The following LDLRAD3 variants were observed in gnomAD, a reference collection of about 807,000 sequenced individuals.
LDLRAD3 encodes low density lipoprotein receptor class A domain containing 3, also known as low-density lipoprotein receptor class A domain-containing protein 3.
A neutral mutation model predicts 29.4 loss-of-function variants in LDLRAD3; 20 were observed. That is an observed-to-expected ratio of 0.68 (90% CI 0.48 to 0.99). LDLRAD3 has a LOEUF of 0.99. LDLRAD3 is among the 50% of genes least tolerant of loss of function. LDLRAD3 has a pLI of 0.00. For synonymous variants in LDLRAD3, 157 were observed against 192.7 expected (o/e 0.81, Z 1.53); for missense variants, 420 against 454.3 (o/e 0.92, Z 0.69).
chr11:36,069,691 G>T (rs767767901), intron 2 of LDLRAD3, among the ~76,000 whole-genome samples: 8 of 151,562 alleles, frequency 5.3e-5, no homozygotes, highest in Non-Finnish European at 1.0e-4. Flanking sequence ...TATATGAGAA[G>T]CTTGTTCATA....
chr11:36,029,851 A>C (rs1852213816), intron 1 of LDLRAD3, among the ~76,000 whole-genome samples: 1 of 152,196 alleles, frequency 6.6e-6, no homozygotes, highest in Admixed American at 6.5e-5. Context: ...ACCTCATGGC[A>C]CAGTAGGCAG....
chr11:36,109,904 A>G (rs1308355440), intron 4 of LDLRAD3: 1 of 152,204 alleles, frequency 6.6e-6, no homozygotes, highest in Non-Finnish European at 1.5e-5. Context: ...CATCACCCTT[A>G]AGGAATTCCT....
At chr11:36,111,070 G>A (rs1853598179) in intron 4 of LDLRAD3, among the ~76,000 whole-genome samples, 1 of 152,176 alleles carries the variant, frequency 6.6e-6, no homozygotes, top group East Asian at 1.9e-4. Flanking sequence ...GGTGCATTGA[G>A]GCTGACTGCT....
intron 1 of LDLRAD3, among the ~76,000 whole-genome samples, chr11:35,949,641 T>C (rs2133123666): frequency 6.6e-6 from 1 of 152,352 alleles, no homozygotes; most frequent in Non-Finnish European, 1.5e-5. Context: ...GTCTCTTTGT[T>C]GCTCTGTGTC....
At chr11:36,073,030 A>G (rs890801274) in intron 2 of LDLRAD3, among the ~76,000 whole-genome samples, 1 of 152,114 alleles carries the variant, frequency 6.6e-6, no homozygotes, top group African/African-American at 2.4e-5. Flanking sequence ...GCCTTCCTGT[A>G]TTTCGGATGC....
chr11:36,079,884 C>A (rs1009455690), intron 2 of LDLRAD3, among the ~76,000 whole-genome samples: 1 of 152,114 alleles, frequency 6.6e-6, no homozygotes, highest in Admixed American at 6.6e-5. Flanking sequence ...CTGAAGTCCA[C>A]CAAAATTTAG....
rs745699716 is a variant in LDLRAD3 at position 36,081,691 on chromosome 11, T to C, written c.232T>C (p.Cys78Arg). Residue 78 changes from cysteine to arginine, a missense_variant, in exon 3 of 6, where the codon TGT (cysteine) becomes CGT (arginine). Around this residue, in one of 3 missense-constraint regions of LDLRAD3, gnomAD observed 224 missense variants for 222.2 expected, o/e 1.01. Transcript: ENST00000315571. ...KSKCGPTFFP[C>R]ASGIHCIIGR... ...GAAATGTGGCCCAACCTTCTTCCCC[T>C]GTGCCAGCGGCATCCATTGCATCAT... 3 of 1,614,228 alleles carry C rather than the reference T, an allele frequency of 1.9e-6. No individual in the cohort carries two copies. The highest frequency in any genetic ancestry group is 1.1e-5 in the South Asian group (1 of 91,088).
chr11:36,070,206 A>G (rs1852874490), intron 2 of LDLRAD3, among the ~76,000 whole-genome samples: 1 of 152,222 alleles, frequency 6.6e-6, no homozygotes, highest in South Asian at 2.1e-4. Context: ...TTGGCCAAAC[A>G]GGGGCAGATT....
intron 4 of LDLRAD3, among the ~76,000 whole-genome samples, chr11:36,117,003 G>A (rs866416292): frequency 2.6e-5 from 4 of 151,834 alleles, no homozygotes; most frequent in East Asian, 1.9e-4. Flanking sequence ...TGCCATGCCC[G>A]GCTAATTTTT....
intron 4 of LDLRAD3, among the ~76,000 whole-genome samples, chr11:36,166,034 TCC>T (rs1181759192): frequency 7.5e-6 from 1 of 133,994 alleles, no homozygotes; most frequent in African/African-American, 2.8e-5. Context: ...CTCCCTCCTC[TCC>T]CATCCTAGAC....
chr11:36,035,138 AG>A (rs778570305), intron 1 of LDLRAD3, among the ~76,000 whole-genome samples: 2 of 151,338 alleles, frequency 1.3e-5, no homozygotes, highest in Non-Finnish European at 2.9e-5. Context: ...ATGACTCAGG[AG>A]GGAGCTCTGG....
intron 4 of LDLRAD3, among the ~76,000 whole-genome samples, chr11:36,138,841 T>C (rs1854038961): frequency 2.0e-5 from 3 of 152,244 alleles, no homozygotes; most frequent in Non-Finnish European, 2.9e-5. Context: ...TCTCTGATTC[T>C]GTGAGTCCTG....
intron 1 of LDLRAD3, among the ~76,000 whole-genome samples, chr11:35,964,380 G>T (rs1026276019): frequency 1.3e-5 from 2 of 152,196 alleles, no homozygotes; most frequent in African/African-American, 2.4e-5. Context: ...TGAGAGCGAG[G>T]TTGTGTGAGT....
At position 36,119,766 on chromosome 11, in the gene LDLRAD3, T is replaced by A. The variant is rs1853726836; in HGVS notation, c.454+21305T>A. ...TCAGATACACGATTTGCAAATATTT[T>A]CTCTCATTCTGAGTTGTCGTTTCAC... On this transcript the variant is annotated intron_variant, in intron 4 of 5. Coordinates refer to ENST00000315571, the MANE Select transcript of LDLRAD3 (RefSeq NM_174902.4). Among the ~76,000 whole-genome samples, 4 of 152,232 alleles carry A rather than the reference T, an allele frequency of 2.6e-5. No homozygotes were observed. In the South Asian group the frequency reaches 8.3e-4, roughly 31 times the overall value.
chr11:36,145,343 C>G (rs1854171792), intron 4 of LDLRAD3, among the ~76,000 whole-genome samples: 2 of 96,474 alleles, frequency 2.1e-5, no homozygotes, highest in African/African-American at 9.9e-5. Flanking sequence ...AAGTGAGGAG[C>G]CCCTCTGCCC....
At position 36,038,236 on chromosome 11, in the gene LDLRAD3, T is replaced by C. The variant is rs535779530; in HGVS notation, c.193+1987T>C. ...ATTATTTTTTAAAAGTATTATTATG[T>C]CTATTTTAGCTTTTCTCTGTTTCTA... is the stretch of plus-strand genomic sequence containing the variant. On this transcript the variant is annotated intron_variant, in intron 2 of 5. Coordinates refer to ENST00000315571, the MANE Select transcript of LDLRAD3 (RefSeq NM_174902.4). Among the ~76,000 whole-genome samples the C allele has an allele frequency of 2.0e-5, 3 of 152,290 alleles. No homozygotes were observed. In the South Asian group the frequency reaches 6.2e-4, roughly 32 times the overall value.
chr11:36,191,576 C>CTCTCTCTCTCTATATATATA (rs377747518), intron 4 of LDLRAD3, among the ~76,000 whole-genome samples: 8 of 53,432 alleles, frequency 1.5e-4, no homozygotes, highest in African/African-American at 6.6e-4. Flanking sequence ...CTCTCTCTCT[C>CTCTCTCTCTCTATATATATA]TATATATATA....
chr11:36,191,746 T>G (rs1477134694), intron 4 of LDLRAD3, among the ~76,000 whole-genome samples: 2 of 151,894 alleles, frequency 1.3e-5, no homozygotes, highest in Non-Finnish European at 1.5e-5. Flanking sequence ...TATGGAATGC[T>G]AAACAAATGG....
chr11:36,159,974 C>T (rs1232457249), intron 4 of LDLRAD3, among the ~76,000 whole-genome samples: 1 of 152,156 alleles, frequency 6.6e-6, no homozygotes, highest in Non-Finnish European at 1.5e-5. Flanking sequence ...TGTTGGGACC[C>T]CCTTGAAAAC....
Sources: gnomAD v4.1 joint callset for allele counts (sites outside exome capture counted in the v4.1 genomes callset) on GRCh38, gnomAD v4.1.1 for gene constraint, gnomAD v4.1.1 regional missense constraint, MANE v1.5 for transcripts, NCBI Gene and HGNC (gene_info 2026-07-23, HGNC 2026-07-21) for gene names.